Variants in TTC39A observed in about 807,000 individuals in gnomAD.
TTC39A encodes the protein tetratricopeptide repeat domain 39A.
TTC39A carries 46 observed loss-of-function variants against 82.3 expected under a neutral mutation model. That is an observed-to-expected ratio of 0.56 (90% CI 0.44 to 0.71). TTC39A has a LOEUF of 0.71. Among genes scored for constraint, TTC39A ranks in the 30% least tolerant of loss-of-function variants. The pLI is 0.00. For synonymous variants in TTC39A, 254 were observed against 275.2 expected (o/e 0.92, Z 0.76); for missense variants, 543 against 712.9 (o/e 0.76, Z 2.71).
chr1:51,306,516 T>A (rs761679934), intron 6 of TTC39A, among the ~76,000 whole-genome samples: 14 of 152,126 alleles, frequency 9.2e-5, no homozygotes, highest in Non-Finnish European at 1.8e-4. Flanking sequence ...CCAGAATGTC[T>A]CCAGACACTG....
At chr1:51,328,419 C>T (rs1358521126) in intron 1 of TTC39A, among the ~76,000 whole-genome samples, 1 of 152,200 alleles carries the variant, frequency 6.6e-6, no homozygotes, top group Non-Finnish European at 1.5e-5. Flanking sequence ...ACAAGAGCTA[C>T]AGGATCAAGG....
At chr1:51,302,015 G>C (rs1258828696) in intron 11 of TTC39A, 14 of 681,310 alleles carry the variant, frequency 2.1e-5, no homozygotes, top group Non-Finnish European at 3.5e-5. Flanking sequence ...TAATGGAGGG[G>C]AGGTACCAGA....
chr1:51,339,106 C>A (rs773497165), intron 1 of TTC39A, among the ~76,000 whole-genome samples: 1 of 152,188 alleles, frequency 6.6e-6, no homozygotes, highest in South Asian at 2.1e-4. Context: ...CTTCTTCTTG[C>A]AGGGTGTGGG....
intron 1 of TTC39A, chr1:51,342,982 A>T: frequency 2.2e-6 from 1 of 450,678 alleles, no homozygotes; most frequent in Middle Eastern, 3.3e-4. Flanking sequence ...CTCCCTGCAC[A>T]CTGAGAGGTG....
intron 1 of TTC39A, among the ~76,000 whole-genome samples, chr1:51,323,607 T>A (rs997806454): frequency 6.6e-6 from 1 of 152,232 alleles, no homozygotes; most frequent in Admixed American, 6.5e-5. Context: ...CTCTGTTAGA[T>A]CCTGAGTAAT....
chr1:51,327,382 T>G (rs1645751547), intron 1 of TTC39A, among the ~76,000 whole-genome samples: 1 of 152,370 alleles, frequency 6.6e-6, no homozygotes, highest in Middle Eastern at 3.4e-3. Context: ...GCAAAAATGA[T>G]TGTGACTCTC....
intron 11 of TTC39A, chr1:51,302,017 G>A: frequency 1.5e-6 from 1 of 682,506 alleles, no homozygotes; most frequent in South Asian, 1.6e-5. Flanking sequence ...ATGGAGGGGA[G>A]GTACCAGACT....
chr1:51,331,054 GGCAGTTCACAC>G (rs1195868809), upstream of TTC39A: 3 of 876,364 alleles, frequency 3.4e-6, no homozygotes, highest in Non-Finnish European at 3.8e-6. Flanking sequence ...ACTGCTAGCT[GGCAGTTCACAC>G]TGCCTTCTCA....
At chr1:51,322,436 A>G (rs566216225) in intron 1 of TTC39A, among the ~76,000 whole-genome samples, 2 of 152,094 alleles carry the variant, frequency 1.3e-5, no homozygotes, top group Non-Finnish European at 2.9e-5. Context: ...GACGTGATAT[A>G]TTTTACTTAT....
chr1:51,294,417 G>T lies in TTC39A; in HGVS notation c.1240C>A (p.Pro414Thr). 1.2e-6 allele frequency: 2 copies of T among 1,614,042 alleles called. No individual in the cohort carries two copies. Among genetic ancestry groups the T allele is most frequent in the Non-Finnish European group, 8.5e-7 (1 of 1,179,908 alleles). Residue 414 changes from proline (P) to threonine (T), a missense_variant, in exon 14 of 18, where the codon CCT becomes ACT. Coordinates refer to ENST00000680483, the MANE Select transcript of TTC39A (RefSeq NM_001297663.2). The surrounding 1 kb of genome is among the most constrained non-coding windows in gnomAD (Gnocchi z 4.3). ...RKSRRYFSSN[P>T]ISLPVPALEM... ...AGAGCAGGCACTGGCAGCGAGATAG[G>T]GTTGGAGGAGAAGTAGCGCCGGGAC... is the stretch of plus-strand genomic sequence containing the variant.
At chr1:51,293,408 A>C (rs1644295825) in intron 14 of TTC39A, among the ~76,000 whole-genome samples, 1 of 152,232 alleles carries the variant, frequency 6.6e-6, no homozygotes, top group Admixed American at 6.5e-5. Flanking sequence ...AAACTTTAGA[A>C]ATATTCAGGT....
At chr1:51,331,185 T>C, upstream of TTC39A, 3 of 1,548,592 alleles carry the variant, frequency 1.9e-6, no homozygotes, top group Non-Finnish European at 2.6e-6. Context: ...CTGGAATCCA[T>C]CCCTCCTGAA....
At chr1:51,326,041 C>A in intron 1 of TTC39A, 1 of 152,482 alleles carries the variant, frequency 6.6e-6, no homozygotes. Context: ...GAATCTCGTG[C>A]TCTAGGCTAT....
chr1:51,288,374 A>G lies in TTC39A; in HGVS notation c.1611-94T>C. On this transcript the variant is annotated intron_variant, in intron 17 of 17. Coordinates refer to ENST00000680483, the MANE Select transcript of TTC39A (RefSeq NM_001297663.2). The surrounding 1 kb of genome is among the most constrained non-coding windows in gnomAD (Gnocchi z 4.8). ...GCTGTATGAGCCCCGCGAGCCAAGG[A>G]AGGATTGTAGAGAAATTAATGTGTC... 2 of 1,577,030 alleles carry G rather than the reference A, an allele frequency of 1.3e-6. No individual in the cohort carries two copies. The highest frequency in any genetic ancestry group is 1.7e-6 in the Non-Finnish European group (2 of 1,159,930).
chr1:51,304,975 G>T, intron 8 of TTC39A, 106 bp downstream of exon 8: 2 of 1,228,664 alleles, frequency 1.6e-6, no homozygotes, highest in Non-Finnish European at 2.4e-6. Context: ...GAGGGGCTGA[G>T]CCAGGATGGG....
chr1:51,292,967 A>G (rs1644277997), intron 14 of TTC39A, among the ~76,000 whole-genome samples: 1 of 152,170 alleles, frequency 6.6e-6, no homozygotes, highest in African/African-American at 2.4e-5. Context: ...TTTGCAGATT[A>G]CAGTTTGGGA....
intron 2 of TTC39A, among the ~76,000 whole-genome samples, chr1:51,315,230 G>A (rs537593639): frequency 3.9e-5 from 6 of 152,314 alleles, no homozygotes; most frequent in African/African-American, 1.4e-4. Flanking sequence ...GCCCCAACAG[G>A]CACCTGTGGC....
chr1:51,344,156 A>T (rs1457162473), intron 1 of TTC39A, among the ~76,000 whole-genome samples: 2 of 152,192 alleles, frequency 1.3e-5, no homozygotes, highest in African/African-American at 2.4e-5. Context: ...ATTCACTGAC[A>T]CGGGGACACC....
In TTC39A at chr1:51,302,363, A is replaced by C. The variant is rs755432364; in HGVS notation, c.885T>G (p.Ile295Met). The part of the protein sequence containing the change: ...AGRIEVIKGN[I>M]DAAIRRFEEC... ...CCGGACCCCCATCACTCACTGCATC[A>C]ATGTTGCCTTTAATGACTTCAATCC... The change falls in exon 11 of 18, where the codon ATT becomes ATG. Residue 295 changes from isoleucine (I) to methionine (M), a missense_variant. Coordinates refer to ENST00000680483, the MANE Select transcript of TTC39A (RefSeq NM_001297663.2). The C allele has an allele frequency of 6.2e-7, 1 of 1,603,762 alleles. No homozygotes were observed. The highest frequency in any genetic ancestry group is 8.5e-7 in the Non-Finnish European group (1 of 1,175,652).
Sources: gnomAD v4.1 joint callset for allele counts (sites outside exome capture counted in the v4.1 genomes callset) on GRCh38, gnomAD v4.1.1 for gene constraint, Gnocchi (gnomAD v3.1) non-coding constraint, MANE v1.5 for transcripts, NCBI Gene and HGNC (gene_info 2026-07-23, HGNC 2026-07-21) for gene names.